Variants in ETV6 observed in about 807,000 individuals in gnomAD.
The protein encoded by ETV6 is transcription factor ETV6.
ETV6 carries 16 observed loss-of-function variants against 51.1 expected under a neutral mutation model. That is an observed-to-expected ratio of 0.31 (90% CI 0.21 to 0.48). ETV6 has a LOEUF of 0.48. ETV6 is among the 20% of genes least tolerant of loss of function. ETV6 has a pLI of 0.99. For missense variants in ETV6, 458 were observed against 594.8 expected, an observed-to-expected ratio of 0.77 and a Z score of 2.39; for synonymous variants, 240 against 224.1, an observed-to-expected ratio of 1.07 and a Z score of -0.64.
intron 2 of ETV6, among the ~76,000 whole-genome samples, chr12:11,760,876 A>ATATG (rs759568653): frequency 4.0e-4 from 29 of 71,854 alleles, no homozygotes; most frequent in Non-Finnish European, 8.1e-4. Flanking sequence ...ATTATTATAT[A>ATATG]TATGTGTGTG....
intron 1 of ETV6, among the ~76,000 whole-genome samples, chr12:11,686,720 G>A (rs1339022370): frequency 6.6e-6 from 1 of 152,066 alleles, no homozygotes; most frequent in East Asian, 1.9e-4. Context: ...TAGAGATGGG[G>A]TTTCACCATT....
At chr12:11,744,922 G>A (rs5024150) in intron 1 of ETV6, among the ~76,000 whole-genome samples, 5 of 79,978 alleles carry the variant, frequency 6.3e-5, no homozygotes, top group Non-Finnish European at 9.6e-5. Context: ...AAAAAAAAAA[G>A]AGAGAATTTC....
At chr12:11,752,958 T>G (rs1488711891) in intron 2 of ETV6, 1 of 160,184 alleles carries the variant, frequency 6.2e-6, no homozygotes, top group Non-Finnish European at 1.4e-5. Flanking sequence ...GTCCTAAATT[T>G]TGCTCAGTTT....
At chr12:11,742,116 CTG>C (rs1216028521) in intron 1 of ETV6, among the ~76,000 whole-genome samples, 13 of 152,242 alleles carry the variant, frequency 8.5e-5, no homozygotes, top group Non-Finnish European at 1.3e-4. Flanking sequence ...GTAAAATAAA[CTG>C]TTAATTGGTC....
intron 1 of ETV6, among the ~76,000 whole-genome samples, chr12:11,690,809 C>T (rs552024131): frequency 6.6e-6 from 1 of 151,800 alleles, no homozygotes; most frequent in Non-Finnish European, 1.5e-5. Context: ...ATCGCTTGAA[C>T]CTGGGAGGCA....
intron 2 of ETV6, among the ~76,000 whole-genome samples, chr12:11,777,239 C>A (rs370139876): frequency 0.018 from 1,408 of 78,256 alleles, no homozygotes; most frequent in African/African-American, 0.035. Flanking sequence ...GACTCCGTGT[C>A]AAAAAAAAAA....
intron 1 of ETV6, among the ~76,000 whole-genome samples, chr12:11,727,136 T>C (rs996200773): frequency 1.3e-5 from 2 of 152,222 alleles, no homozygotes; most frequent in African/African-American, 4.8e-5. Context: ...AACACCAGCA[T>C]GCAGAGGACT....
chr12:11,672,177 T>C (rs12831402), intron 1 of ETV6, among the ~76,000 whole-genome samples: 6,080 of 152,180 alleles, frequency 0.04, 139 homozygotes, highest in Admixed American at 0.062. Flanking sequence ...TCGCAAAATA[T>C]AATCAGGAGG....
intron 2 of ETV6, among the ~76,000 whole-genome samples, chr12:11,761,609 G>T (rs886235809): frequency 6.6e-6 from 1 of 152,200 alleles, no homozygotes; most frequent in Non-Finnish European, 1.5e-5. Context: ...ATTGCCTGAC[G>T]TTTGGTGCCT....
intron 1 of ETV6, among the ~76,000 whole-genome samples, chr12:11,733,948 T>A (rs570418873): frequency 6.6e-6 from 1 of 152,208 alleles, no homozygotes; most frequent in Non-Finnish European, 1.5e-5. Context: ...AGCAAATACA[T>A]GTTTTTCCCT....
At chr12:11,755,418 T>C (rs573443913) in intron 2 of ETV6, among the ~76,000 whole-genome samples, 2 of 152,338 alleles carry the variant, frequency 1.3e-5, no homozygotes, top group East Asian at 3.9e-4. Flanking sequence ...ATGAGACCTA[T>C]TGTGACACCA....
intron 5 of ETV6, among the ~76,000 whole-genome samples, chr12:11,883,415 T>A (rs1368630140): frequency 1.3e-5 from 2 of 151,192 alleles, no homozygotes; most frequent in Non-Finnish European, 2.9e-5. Context: ...TGCCTCAGTG[T>A]CCTGAGTAGC....
At chr12:11,674,327 G>A (rs1236531795) in intron 1 of ETV6, among the ~76,000 whole-genome samples, 3 of 152,140 alleles carry the variant, frequency 2.0e-5, no homozygotes, top group African/African-American at 4.8e-5. Flanking sequence ...AGAGCAGATG[G>A]CCAGCCAGTG....
At chr12:11,707,949 G>GCA (rs1184023532) in intron 1 of ETV6, among the ~76,000 whole-genome samples, 1 of 152,184 alleles carries the variant, frequency 6.6e-6, no homozygotes, top group African/African-American at 2.4e-5. Flanking sequence ...TGACCTTTTA[G>GCA]CAGGATCAAT....
At chr12:11,689,622 G>GA (rs1424704500) in intron 1 of ETV6, among the ~76,000 whole-genome samples, 1 of 151,208 alleles carries the variant, frequency 6.6e-6, no homozygotes, top group East Asian at 1.9e-4. Flanking sequence ...TTTTTTAAAA[G>GA]AAAAAATAAG....
At position 11,884,494 on chromosome 12, in the gene ETV6, G is replaced by T; in HGVS notation, c.1059G>T (p.Arg353=). ...TCTATCAGTTGCTTTCTGACAGCCG[G>T]TACGAAAACTTCATCCGATGGGAGG... is the stretch of plus-strand genomic sequence containing the variant. ...DYVYQLLSDS[R]YENFIRWEDK... Residue 353 remains arginine (R), a synonymous_variant, in exon 6 of 8, where the codon CGG becomes CGT. Coordinates refer to ENST00000396373, the MANE Select transcript of ETV6 (RefSeq NM_001987.5). 3.7e-6 allele frequency: 6 copies of T among 1,614,190 alleles called. No individual in the cohort carries two copies. Among genetic ancestry groups the T allele is most frequent in the Non-Finnish European group, 5.1e-6 (6 of 1,180,030 alleles).
At chr12:11,875,197 T>C (rs894633623) in intron 5 of ETV6, among the ~76,000 whole-genome samples, 1 of 152,224 alleles carries the variant, frequency 6.6e-6, no homozygotes, top group East Asian at 1.9e-4. Flanking sequence ...TAGCTTATTT[T>C]TAAAGGTGTC....
chr12:11,739,017 C>T (rs1000538630), intron 1 of ETV6, among the ~76,000 whole-genome samples: 7 of 152,154 alleles, frequency 4.6e-5, no homozygotes, highest in South Asian at 4.2e-4. Flanking sequence ...TGCAAAGTGG[C>T]GTCCTGAACC....
At chr12:11,698,078 C>T (rs765023097) in intron 1 of ETV6, among the ~76,000 whole-genome samples, 2 of 152,044 alleles carry the variant, frequency 1.3e-5, no homozygotes, top group Non-Finnish European at 2.9e-5. Context: ...TTTTCCATAC[C>T]CCATTACTAT....
Sources: allele counts gnomAD v4.1 joint callset (sites outside exome capture counted in the v4.1 genomes callset), GRCh38; gene constraint gnomAD v4.1.1; transcripts MANE v1.5; gene names NCBI Gene and HGNC (gene_info 2026-07-23, HGNC 2026-07-21).